The following SPTBN1 variants were observed in gnomAD, a reference collection of about 807,000 sequenced individuals.
SPTBN1 encodes the protein spectrin beta chain, non-erythrocytic 1.
Under a neutral mutation model 266.4 loss-of-function variants are expected in SPTBN1, and 32 were observed. That is an observed-to-expected ratio of 0.12 (90% CI 0.09 to 0.16). The LOEUF is 0.16. Among genes scored for constraint, SPTBN1 ranks in the 10% least tolerant of loss-of-function variants. The probability of loss-of-function intolerance (pLI) is 1.00; values close to 1 mark genes in which losing one functional copy is unlikely to be tolerated. For missense variants in SPTBN1, 2,296 were observed against 3,067.1 expected, an observed-to-expected ratio of 0.75 and a Z score of 5.94; for synonymous variants, 1,336 against 1,162.2, an observed-to-expected ratio of 1.15 and a Z score of -3.04.
chr2:54,652,190 G>A (rs374853345), intron 26 of SPTBN1, among the ~76,000 whole-genome samples: 1 of 152,238 alleles, frequency 6.6e-6, no homozygotes, highest in South Asian at 2.1e-4. Context: ...CACAAGTATG[G>A]CACTACTGAT....
rs1006457584 is a variant in SPTBN1, at chr2:54,649,350, C to T, written c.5202+160C>T. Among the ~76,000 whole-genome samples the T allele has an allele frequency of 5.3e-5, 8 of 152,158 alleles. No homozygotes were observed. Among genetic ancestry groups the T allele is most frequent in the Non-Finnish European group, 8.8e-5 (6 of 68,036 alleles). The stretch of plus-strand genomic sequence containing the variant: ...GTGTTTCTTTTATAAGCTGGTGACT[C>T]GCATTTAGGTTGGCTAACCTCTCTG... On this transcript the variant is annotated intron_variant, in intron 25 of 35. Coordinates refer to ENST00000356805, the MANE Select transcript of SPTBN1 (RefSeq NM_003128.3). The surrounding 1 kb of genome is among the most constrained non-coding windows in gnomAD (Gnocchi z 6.7).
At chr2:54,534,888 T>G (rs951269364) in intron 2 of SPTBN1, among the ~76,000 whole-genome samples, 2 of 152,174 alleles carry the variant, frequency 1.3e-5, no homozygotes, top group African/African-American at 4.8e-5. Context: ...CACCTCACTC[T>G]TTGAGAGCCC....
At chr2:54,579,530 C>T (rs59039394) in intron 2 of SPTBN1, among the ~76,000 whole-genome samples, 2,056 of 152,312 alleles carry the variant, frequency 0.013, 46 homozygotes, top group African/African-American at 0.046. Context: ...ATATAGCTCT[C>T]TTAATACCTG....
In SPTBN1 at chr2:54,637,747, T is replaced by G. The variant is rs139007488; in HGVS notation, c.3802T>G (p.Leu1268Val). The G allele has an allele frequency of 6.2e-7, 1 of 1,613,974 alleles. No homozygotes were observed. Among genetic ancestry groups the G allele is most frequent in the South Asian group, 1.1e-5 (1 of 91,044 alleles). Residue 1268 changes from leucine to valine, a missense_variant, in exon 18 of 36, where the codon TTG becomes GTG. Physicochemically the swap from Leu to Val is conservative, Grantham distance 32. Transcript: ENST00000356805. Reference sequence around the variant, plus strand: ...GAATCGTGAGACAGCCAGTGAACTTTTGATGAGGTTGAAGGACAACAGGGA... The same window carrying G: ...GAATCGTGAGACAGCCAGTGAACTTGTGATGAGGTTGAAGGACAACAGGGA... ...RKNRETASEL[L>V]MRLKDNRDLQ...
chr2:54,628,333 C>A lies in SPTBN1; in HGVS notation c.1798+83C>A. Reference sequence around the variant, plus strand: ...AAACACAGTGGGGCTTTTGAAGTTACTGTGCCACTATACATTCCTGGTGGG... The same window carrying A: ...AAACACAGTGGGGCTTTTGAAGTTAATGTGCCACTATACATTCCTGGTGGG... On this transcript the variant is annotated intron_variant, in intron 13 of 35. Transcript: ENST00000356805. This position sits in a 1 kb window ranked among gnomAD's most constrained non-coding sequence, Gnocchi z 4.3. The A allele has an allele frequency of 2.7e-6, 4 of 1,461,870 alleles. No homozygotes were observed. In the South Asian group the frequency reaches 5.7e-5, roughly 21 times the overall value. The allele number at this position is 1,461,870 out of a possible 1,614,324, so 90.6% of individuals were successfully genotyped here.
At chr2:54,613,783 A>G (rs1233679515) in intron 4 of SPTBN1, among the ~76,000 whole-genome samples, 1 of 152,254 alleles carries the variant, frequency 6.6e-6, no homozygotes, top group Admixed American at 6.5e-5. Context: ...CATTGAATCC[A>G]CTAATTACTG....
At chr2:54,661,382 T>C in intron 32 of SPTBN1, 2 of 985,874 alleles carry the variant, frequency 2.0e-6, no homozygotes, top group Non-Finnish European at 2.4e-6. Flanking sequence ...AAACCTGTTT[T>C]GATATGTGTT....
chr2:54,645,867 G>A lies in SPTBN1; in HGVS notation c.4495-61G>A, dbSNP rs556401457. ...TGTCCCTCACTGCCCCTCACTGCTC[G>A]TTTGTGTCGTATATTTGTTCCTCTG... is the stretch of plus-strand genomic sequence containing the variant. On this transcript the variant is annotated intron_variant, in intron 21 of 35. Transcript: ENST00000356805. This position sits in a 1 kb window ranked among gnomAD's most constrained non-coding sequence, Gnocchi z 4.3. 2.1e-5 allele frequency: 34 copies of A among 1,585,002 alleles called. No individual in the cohort carries two copies. The highest frequency in any genetic ancestry group is 1.7e-4 in the Middle Eastern group (1 of 6,010).
chr2:54,495,237 C>T (rs897604859), intron 1 of SPTBN1, among the ~76,000 whole-genome samples: 9 of 152,166 alleles, frequency 5.9e-5, no homozygotes, highest in Admixed American at 2.6e-4. Context: ...GTTTTGAAAG[C>T]GTTGTACATC....
intron 1 of SPTBN1, among the ~76,000 whole-genome samples, chr2:54,519,241 G>A (rs1269995762): frequency 6.6e-6 from 1 of 152,202 alleles, no homozygotes; most frequent in Non-Finnish European, 1.5e-5. Context: ...CACCCTGCTA[G>A]GAGTTATAAA....
chr2:54,612,222 A>G lies in SPTBN1; in HGVS notation c.362A>G (p.Gln121Arg). 6.2e-7 allele frequency: 1 copy of G among 1,614,014 alleles called. No homozygotes were observed. Among genetic ancestry groups the G allele is most frequent in the Non-Finnish European group, 8.5e-7 (1 of 1,179,916 alleles). ...HCLENVDKAL[Q>R]FLKEQRVHLE... Reference sequence around the variant, plus strand: ...TTAGAGAATGTGGACAAGGCCCTTCAGTTCCTGAAGGAGCAGAGAGTCCAT... The same window carrying G: ...TTAGAGAATGTGGACAAGGCCCTTCGGTTCCTGAAGGAGCAGAGAGTCCAT... The change falls in exon 4 of 36, where the codon CAG becomes CGG. Residue 121 changes from glutamine to arginine, a missense_variant. By Grantham distance (43) the Gln-to-Arg change is conservative. This residue lies in a region of SPTBN1 where 178 missense variants were observed against 375.7 expected (regional missense o/e 0.47). Transcript: ENST00000356805.
Position 54,558,179 on chromosome 2 carries a change from G to A in SPTBN1, c.148+31613G>A, listed in dbSNP as rs1193837004. ...CGGCGAGTCCAGGGCCCGGCCGGGG[G>A]TCGGCGGCTGCCGGGCGGCTGGGGC... On this transcript the variant is annotated intron_variant, in intron 2 of 35. Coordinates refer to ENST00000356805, the MANE Select transcript of SPTBN1 (RefSeq NM_003128.3). The surrounding 1 kb of genome is among the most constrained non-coding windows in gnomAD (Gnocchi z 4.6). The A allele has an allele frequency of 6.1e-6, 6 of 985,280 alleles. No homozygotes were observed. The highest frequency in any genetic ancestry group is 7.2e-6 in the Non-Finnish European group (6 of 829,916). 61.0% of individuals were successfully genotyped at this position (985,280 alleles called of 1,614,324 possible).
At chr2:54,494,219 A>G (rs961943607) in intron 1 of SPTBN1, among the ~76,000 whole-genome samples, 1 of 152,264 alleles carries the variant, frequency 6.6e-6, no homozygotes, top group Non-Finnish European at 1.5e-5. Flanking sequence ...TATTCACATT[A>G]TAAAGTGACT....
chr2:54,546,536 A>T (rs1039577918), intron 2 of SPTBN1: 5 of 152,162 alleles, frequency 3.3e-5, no homozygotes, highest in African/African-American at 1.2e-4. Flanking sequence ...TGTTTTGAGG[A>T]CTCAATCTCA....
At chr2:54,638,922 C>G (rs946026689) in intron 18 of SPTBN1, among the ~76,000 whole-genome samples, 10 of 152,204 alleles carry the variant, frequency 6.6e-5, no homozygotes, top group Admixed American at 1.3e-4. Context: ...ATGACAGAAG[C>G]AATCCTTTGC....
At chr2:54,636,689 AC>A (rs1177344184) in intron 17 of SPTBN1, among the ~76,000 whole-genome samples, 1 of 152,214 alleles carries the variant, frequency 6.6e-6, no homozygotes, top group Non-Finnish European at 1.5e-5. Flanking sequence ...TAGAGGAGAG[AC>A]CTTGTGCAGG....
At chr2:54,472,947 T>C (rs1475906824) in intron 1 of SPTBN1, among the ~76,000 whole-genome samples, 2 of 152,194 alleles carry the variant, frequency 1.3e-5, no homozygotes, top group African/African-American at 4.8e-5. Flanking sequence ...CTAAAGGATT[T>C]CCTAAAAGAT....
chr2:54,645,852 T>C lies in SPTBN1; in HGVS notation c.4495-76T>C, dbSNP rs1679893842. The stretch of plus-strand genomic sequence containing the variant: ...GAAGCTCACCCTTGCTGTCCCTCAC[T>C]GCCCCTCACTGCTCGTTTGTGTCGT... On this transcript the variant is annotated intron_variant, in intron 21 of 35. Transcript: ENST00000356805. This position sits in a 1 kb window ranked among gnomAD's most constrained non-coding sequence, Gnocchi z 4.3. 14 of 1,511,370 alleles carry C rather than the reference T, an allele frequency of 9.3e-6. No homozygotes were observed. The highest frequency in any genetic ancestry group is 1.1e-5 in the Non-Finnish European group (12 of 1,091,422). The allele number at this position is 1,511,370 out of a possible 1,614,324, so 93.6% of individuals were successfully genotyped here.
intron 23 of SPTBN1, 53 bp from the exon 24 acceptor site, chr2:54,647,077 AG>A (rs1007608878): frequency 5.8e-5 from 93 of 1,612,426 alleles, no homozygotes; most frequent in Non-Finnish European, 7.6e-5. Flanking sequence ...TCACTCCTTA[AG>A]GGGTAGGGCC....
Sources: allele counts gnomAD v4.1 joint callset (sites outside exome capture counted in the v4.1 genomes callset), GRCh38; gene constraint gnomAD v4.1.1; regional missense constraint gnomAD v4.1.1; non-coding constraint Gnocchi (gnomAD v3.1); transcripts MANE v1.5; gene names NCBI Gene and HGNC (gene_info 2026-07-23, HGNC 2026-07-21).